KIF2A: variants seen among roughly 807,000 people sequenced by gnomAD.
The protein encoded by KIF2A is kinesin family member 2A.
Under a neutral mutation model 100.2 loss-of-function variants are expected in KIF2A, and 22 were observed. The observed-to-expected ratio is 0.22, with a 90% CI of 0.16 to 0.31. KIF2A has a LOEUF of 0.31. Among genes scored for constraint, KIF2A ranks in the 10% least tolerant of loss-of-function variants. The probability of loss-of-function intolerance (pLI) is 1.00; values close to 1 mark genes in which losing one functional copy is unlikely to be tolerated. For missense variants in KIF2A, 495 were observed against 898.7 expected (o/e 0.55, Z 5.74); for synonymous variants, 268 against 285.9 (o/e 0.94, Z 0.63).
In KIF2A at chr5:62,317,247, C is replaced by T. The variant is rs545572223; in HGVS notation, c.64+10711C>T. On this transcript the variant is annotated intron_variant, in intron 1 of 20. Transcript: ENST00000407818. ...ATTTTTAGTAGAGATGGGGTTTCTC[C>T]GTGTTGGTCAGGCTGGTTTCGAACT... 1.3e-4 allele frequency among the ~76,000 whole-genome samples: 20 copies of T among 152,180 alleles called. No individual in the cohort carries two copies. The East Asian group carries it at 3.1e-3, about 23-fold the overall frequency.
chr5:62,369,342 A>ATTC (rs1741216872), intron 16 of KIF2A, among the ~76,000 whole-genome samples: 1 of 152,150 alleles, frequency 6.6e-6, no homozygotes, highest in South Asian at 2.1e-4. Context: ...GGTGAAGGGG[A>ATTC]AGCAAGGCAC....
intron 1 of KIF2A, among the ~76,000 whole-genome samples, chr5:62,325,795 A>G (rs892197411): frequency 6.6e-6 from 1 of 152,238 alleles, no homozygotes; most frequent in African/African-American, 2.4e-5. Context: ...GTATGTACAC[A>G]ATGGAAAATA....
chr5:62,322,756 A>G lies in KIF2A; in HGVS notation c.64+16220A>G, dbSNP rs184932992. 1.7e-3 allele frequency among the ~76,000 whole-genome samples: 262 copies of G among 152,120 alleles called. 3 individuals carry two copies. Among genetic ancestry groups the G allele is most frequent in the East Asian group, 3.9e-4 (2 of 5,188 alleles). ...TATGCATATATGGTATAATGTATCA[A>G]TATTTACAGAGACCATAGTAAACAC... On this transcript the variant is annotated intron_variant, in intron 1 of 20. Coordinates refer to ENST00000407818, the MANE Select transcript of KIF2A (RefSeq NM_001098511.3).
intron 1 of KIF2A, among the ~76,000 whole-genome samples, chr5:62,336,397 G>T (rs912537107): frequency 1.2e-4 from 19 of 152,148 alleles, no homozygotes; most frequent in Non-Finnish European, 2.5e-4. Context: ...AAATACAGGG[G>T]TATTCAGCCA....
At chr5:62,312,824 C>G (rs1344931304) in intron 1 of KIF2A, among the ~76,000 whole-genome samples, 2 of 152,096 alleles carry the variant, frequency 1.3e-5, no homozygotes, top group East Asian at 3.9e-4. Context: ...CCTGTAATTC[C>G]AGCACTTTGG....
intron 1 of KIF2A, among the ~76,000 whole-genome samples, chr5:62,336,719 C>A (rs999673361): frequency 7.9e-5 from 12 of 152,086 alleles, no homozygotes; most frequent in African/African-American, 2.9e-4. Context: ...AAGCATTCAT[C>A]TTAAGAATTT....
intron 14 of KIF2A, 76 bp from the exon 15 acceptor site, chr5:62,365,167 C>A (rs1477863209): frequency 4.4e-6 from 3 of 674,656 alleles, no homozygotes; most frequent in South Asian, 2.2e-5. Context: ...TAGTAAGAGA[C>A]CTTTTAAAAT....
intron 15 of KIF2A, among the ~76,000 whole-genome samples, chr5:62,365,924 C>G (rs1380065664): frequency 2.0e-5 from 3 of 151,918 alleles, no homozygotes; most frequent in Non-Finnish European, 4.4e-5. Context: ...AAAGTTTGTC[C>G]CAGAAGGGAG....
intron 1 of KIF2A, among the ~76,000 whole-genome samples, chr5:62,333,476 GGCCACA>G (rs1384062927): frequency 6.6e-6 from 1 of 152,134 alleles, no homozygotes; most frequent in East Asian, 1.9e-4. Flanking sequence ...AGCCTTGTTC[GGCCACA>G]GCCTTGGCTT....
intron 1 of KIF2A, among the ~76,000 whole-genome samples, chr5:62,332,531 A>G (rs939079217): frequency 6.6e-6 from 1 of 152,142 alleles, no homozygotes; most frequent in African/African-American, 2.4e-5. Context: ...ATTATATTTC[A>G]AAATATTTAT....
At chr5:62,314,765 T>TTTG (rs1554038392) in intron 1 of KIF2A, among the ~76,000 whole-genome samples, 2 of 146,816 alleles carry the variant, frequency 1.4e-5, no homozygotes, top group African/African-American at 2.5e-5. Context: ...ACTGTTTTTT[T>TTTG]TTTTTTTTTT....
At chr5:62,350,184 A>T (rs2111916121) in intron 4 of KIF2A, 64 bp downstream of exon 4, 1 of 900,180 alleles carries the variant, frequency 1.1e-6, no homozygotes, top group South Asian at 1.7e-5. Flanking sequence ...TGACAAGGTA[A>T]ATCAAAAGTA....
intron 1 of KIF2A, among the ~76,000 whole-genome samples, chr5:62,310,278 T>C (rs1432919918): frequency 2.0e-5 from 3 of 152,028 alleles, no homozygotes; most frequent in African/African-American, 7.2e-5. Context: ...GGTCTCGAAC[T>C]CCTGGCCTCA....
At chr5:62,379,274 C>T (rs558072863) in intron 19 of KIF2A, among the ~76,000 whole-genome samples, 1 of 152,246 alleles carries the variant, frequency 6.6e-6, no homozygotes, top group East Asian at 1.9e-4. Context: ...TTACAATTCT[C>T]TATATCATTC....
chr5:62,327,782 G>A (rs57835221), intron 1 of KIF2A, among the ~76,000 whole-genome samples: 37,528 of 152,048 alleles, frequency 0.25, 4,725 homozygotes, highest in Middle Eastern at 0.32. Flanking sequence ...AAATTTCCAC[G>A]ACTCAGGGCC....
intron 1 of KIF2A, among the ~76,000 whole-genome samples, chr5:62,317,383 G>A (rs1275849701): frequency 1.3e-5 from 2 of 152,102 alleles, no homozygotes; most frequent in African/African-American, 4.8e-5. Flanking sequence ...AACAAATTAG[G>A]GGCCCTAATT....
At chr5:62,376,640 C>T (rs554925837) in intron 18 of KIF2A, among the ~76,000 whole-genome samples, 6 of 152,112 alleles carry the variant, frequency 3.9e-5, no homozygotes, top group African/African-American at 7.2e-5. Context: ...AAGCTGGTTT[C>T]GAACTCCTGA....
intron 7 of KIF2A, among the ~76,000 whole-genome samples, chr5:62,357,205 T>C (rs1300263635): frequency 6.7e-6 from 1 of 149,778 alleles, no homozygotes; most frequent in Admixed American, 6.7e-5. Context: ...CACATCAGCC[T>C]CCCGAGTAGC....
chr5:62,380,151 T>C (rs1244668208), intron 19 of KIF2A, among the ~76,000 whole-genome samples: 1 of 152,166 alleles, frequency 6.6e-6, no homozygotes, highest in Non-Finnish European at 1.5e-5. Context: ...GCCTCAGCCT[T>C]CTGAAGTGCT....
Sources: allele counts gnomAD v4.1 joint callset (sites outside exome capture counted in the v4.1 genomes callset), GRCh38; gene constraint gnomAD v4.1.1; transcripts MANE v1.5; gene names NCBI Gene and HGNC (gene_info 2026-07-23, HGNC 2026-07-21).